TIMP2: variants seen among roughly 807,000 people sequenced by gnomAD.
TIMP2 encodes TIMP metallopeptidase inhibitor 2.
Under a neutral mutation model 24.3 loss-of-function variants are expected in TIMP2, and 5 were observed. The observed-to-expected ratio is 0.21, with a 90% CI of 0.11 to 0.43. The LOEUF (loss-of-function observed/expected upper bound fraction) is 0.43. TIMP2 is among the 20% of genes least tolerant of loss of function. TIMP2 has a pLI of 1.00. For missense variants in TIMP2, 221 were observed against 297.5 expected, an observed-to-expected ratio of 0.74 and a Z score of 1.89; for synonymous variants, 130 against 123.2, an observed-to-expected ratio of 1.06 and a Z score of -0.37.
At chr17:78,918,076 A>ACT (rs143088362) in intron 1 of TIMP2, among the ~76,000 whole-genome samples, 8 of 146,320 alleles carry the variant, frequency 5.5e-5, no homozygotes, top group East Asian at 4.2e-4. Flanking sequence ...ACACACACAC[A>ACT]CACACACACA....
chr17:78,861,278 T>C (rs967725390), intron 3 of TIMP2, among the ~76,000 whole-genome samples: 2 of 152,234 alleles, frequency 1.3e-5, no homozygotes, highest in African/African-American at 4.8e-5. Context: ...CCAGCTTCTA[T>C]GGTGATTTCC....
chr17:78,880,252 C>A (rs999815199), intron 1 of TIMP2, among the ~76,000 whole-genome samples: 1 of 152,218 alleles, frequency 6.6e-6, no homozygotes, highest in Non-Finnish European at 1.5e-5. Context: ...ACACGTGGGT[C>A]CTGCGTCCTC....
chr17:78,856,330 A>G (rs980923183), intron 4 of TIMP2: 2 of 172,196 alleles, frequency 1.2e-5, no homozygotes, highest in African/African-American at 4.7e-5. Context: ...AAGAAAAAGG[A>G]AAAACTTGCT....
intron 1 of TIMP2, among the ~76,000 whole-genome samples, chr17:78,881,119 T>A (rs2069776177): frequency 6.6e-6 from 1 of 152,182 alleles, no homozygotes; most frequent in Non-Finnish European, 1.5e-5. Flanking sequence ...CCCGGCCCGA[T>A]CATCTGCACC....
rs569676936 is a variant in TIMP2, at chr17:78,922,863, G to A, written c.130+2096C>T. On this transcript the variant is annotated intron_variant, in intron 1 of 4. Transcript: ENST00000262768. ...ACGAGAGAAGGCCATGTGAAGACAG[G>A]CGGAAATGGAAGTGATGTGTTCCTT... 3.0e-4 allele frequency among the ~76,000 whole-genome samples: 46 copies of A among 152,286 alleles called. 2 individuals are homozygous for A. In the South Asian group the frequency reaches 9.5e-3, roughly 32 times the overall value.
chr17:78,903,344 G>A (rs1225279612), intron 1 of TIMP2: 1 of 152,462 alleles, frequency 6.6e-6, no homozygotes, highest in Non-Finnish European at 1.5e-5. Context: ...AAGCAGCCGG[G>A]AGCCATGGGG....
chr17:78,855,903 C>A lies in TIMP2; in HGVS notation c.466-39G>T, dbSNP rs572364332. The A allele has an allele frequency of 2.1e-5, 34 of 1,608,562 alleles. No individual in the cohort carries two copies. The highest frequency in any genetic ancestry group is 3.3e-4 in the Middle Eastern group (2 of 6,040). On this transcript the variant is annotated intron_variant, in intron 4 of 4. Transcript: ENST00000262768. The surrounding 1 kb of genome is among the most constrained non-coding windows in gnomAD (Gnocchi z 6.0). ...CACGGAGGGGGACGGAGTCAGGGAC[C>A]CAGGAAGGGGTGGGCAGAGGCTGCT...
intron 1 of TIMP2, among the ~76,000 whole-genome samples, chr17:78,874,352 C>T (rs1223891228): frequency 6.6e-6 from 1 of 152,130 alleles, no homozygotes; most frequent in Non-Finnish European, 1.5e-5. Flanking sequence ...CCCCATGGAA[C>T]TGACCCACAA....
chr17:78,917,395 AT>A lies in TIMP2; in HGVS notation c.130+7563del, dbSNP rs369682014. 2.1e-3 allele frequency among the ~76,000 whole-genome samples: 322 copies of A among 152,360 alleles called. 3 individuals are homozygous for A. Among genetic ancestry groups the A allele is most frequent in the African/African-American group, 7.4e-3 (309 of 41,588 alleles). ...CAGTGAGCCAAGATCGCACCACTGC[AT>A]TCCAGCCTGGGCGACAGAGCAAAAC... On this transcript the variant is annotated intron_variant, in intron 1 of 4. Coordinates refer to ENST00000262768, the MANE Select transcript of TIMP2 (RefSeq NM_003255.5).
At chr17:78,870,558 A>G (rs1215507614) in intron 3 of TIMP2, among the ~76,000 whole-genome samples, 1 of 152,186 alleles carries the variant, frequency 6.6e-6, no homozygotes, top group Non-Finnish European at 1.5e-5. Flanking sequence ...TAGTATCCAC[A>G]GATGTTACGC....
At chr17:78,868,178 G>A (rs927605509) in intron 3 of TIMP2, among the ~76,000 whole-genome samples, 1 of 152,144 alleles carries the variant, frequency 6.6e-6, no homozygotes, top group Non-Finnish European at 1.5e-5. Context: ...TGGAGTATAT[G>A]TTTATGATTA....
At chr17:78,893,637 G>A (rs895595575) in intron 1 of TIMP2, among the ~76,000 whole-genome samples, 1 of 152,010 alleles carries the variant, frequency 6.6e-6, no homozygotes, top group African/African-American at 2.4e-5. Flanking sequence ...GTGTGTGTAT[G>A]TGTATGTGTC....
intron 1 of TIMP2, among the ~76,000 whole-genome samples, chr17:78,883,445 TG>T (rs2069796269): frequency 1.3e-5 from 2 of 152,088 alleles, no homozygotes; most frequent in Admixed American, 6.5e-5. Context: ...GAAAAACGCC[TG>T]GAATGACAAC....
intron 3 of TIMP2, among the ~76,000 whole-genome samples, chr17:78,860,569 A>G (rs1362820552): frequency 1.3e-5 from 2 of 152,202 alleles, no homozygotes; most frequent in Non-Finnish European, 2.9e-5. Context: ...CTGGGTTTGA[A>G]TTCTTATGCT....
intron 1 of TIMP2, chr17:78,904,646 G>T (rs2070141009): frequency 6.6e-6 from 1 of 152,156 alleles, no homozygotes; most frequent in East Asian, 1.9e-4. Context: ...TTCATTTTAT[G>T]TCAGCTTGAC....
intron 1 of TIMP2, among the ~76,000 whole-genome samples, chr17:78,911,305 T>G (rs2145792265): frequency 6.6e-6 from 1 of 152,296 alleles, no homozygotes; most frequent in African/African-American, 2.4e-5. Flanking sequence ...CCTTTCTTCC[T>G]TAAGGGCTCC....
chr17:78,886,722 TTTC>T (rs546492800), intron 1 of TIMP2, among the ~76,000 whole-genome samples: 77 of 152,094 alleles, frequency 5.1e-4, no homozygotes, highest in South Asian at 3.7e-3. Context: ...AGATCAAAAT[TTTC>T]TTCTTCTTTT....
chr17:78,866,269 G>A (rs1301842553), intron 3 of TIMP2, among the ~76,000 whole-genome samples: 4 of 152,122 alleles, frequency 2.6e-5, no homozygotes, highest in African/African-American at 4.8e-5. Flanking sequence ...ACGCGCCACC[G>A]TGCGTGCTGT....
intron 1 of TIMP2, among the ~76,000 whole-genome samples, chr17:78,875,878 A>G (rs563918091): frequency 1.3e-5 from 2 of 152,178 alleles, no homozygotes; most frequent in Non-Finnish European, 2.9e-5. Context: ...CCAGGCTGGC[A>G]TCAGAGTCCC....
Sources: allele counts gnomAD v4.1 joint callset (sites outside exome capture counted in the v4.1 genomes callset), GRCh38; gene constraint gnomAD v4.1.1; non-coding constraint Gnocchi (gnomAD v3.1); transcripts MANE v1.5; gene names NCBI Gene and HGNC (gene_info 2026-07-23, HGNC 2026-07-21).